Variants in LDLRAD4 observed in about 807,000 individuals in gnomAD.
The protein encoded by LDLRAD4 is low density lipoprotein receptor class A domain containing 4, also known as low-density lipoprotein receptor class A domain-containing protein 4.
LDLRAD4 carries 5 observed loss-of-function variants against 17.0 expected under a neutral mutation model. The observed-to-expected ratio is 0.29, with a 90% CI of 0.15 to 0.62. The LOEUF (loss-of-function observed/expected upper bound fraction) is 0.62, where lower values mean the gene tolerates loss of function less well. Ranked by LOEUF, LDLRAD4 falls within the 20% of genes least tolerant of loss-of-function variation. The pLI is 0.84. For synonymous variants in LDLRAD4, 168 were observed against 171.8 expected, an observed-to-expected ratio of 0.98 and a Z score of 0.17; for missense variants, 340 against 424.7, an observed-to-expected ratio of 0.80 and a Z score of 1.75.
chr18:13,629,857 G>A (rs1176088606), intron 4 of LDLRAD4, among the ~76,000 whole-genome samples: 1 of 150,674 alleles, frequency 6.6e-6, no homozygotes, highest in Non-Finnish European at 1.5e-5. Flanking sequence ...GGCTCACCAG[G>A]CTGGGGTCTG....
chr18:13,571,879 A>G (rs576899265), intron 3 of LDLRAD4, among the ~76,000 whole-genome samples: 319 of 151,680 alleles, frequency 2.1e-3, no homozygotes, highest in Non-Finnish European at 3.7e-3. Context: ...CTCGTGATCC[A>G]CCCGCCTCAG....
At chr18:13,404,097 G>T (rs1197740267) in intron 2 of LDLRAD4, among the ~76,000 whole-genome samples, 1 of 152,210 alleles carries the variant, frequency 6.6e-6, no homozygotes, top group Admixed American at 6.5e-5. Context: ...CTCCCTCCAG[G>T]CATATTTAAT....
chr18:13,345,569 T>G (rs530393886), intron 1 of LDLRAD4, among the ~76,000 whole-genome samples: 19 of 152,330 alleles, frequency 1.2e-4, no homozygotes, highest in African/African-American at 4.3e-4. Flanking sequence ...TGTGCCAGGC[T>G]TTGGTATCAG....
intron 3 of LDLRAD4, among the ~76,000 whole-genome samples, chr18:13,531,775 T>A (rs1311409660): frequency 6.6e-6 from 1 of 152,030 alleles, no homozygotes; most frequent in Non-Finnish European, 1.5e-5. Context: ...GCGCTGCATC[T>A]TTCTCCTTAG....
At chr18:13,620,101 G>C (rs1340167601) in intron 3 of LDLRAD4, among the ~76,000 whole-genome samples, 2 of 152,088 alleles carry the variant, frequency 1.3e-5, no homozygotes, top group African/African-American at 4.8e-5. Flanking sequence ...GCACACAGTC[G>C]TAGCCACTGG....
At chr18:13,387,437 G>A (rs1158765704) in exon 2 of LDLRAD4, 6 of 354,304 alleles carry the variant, frequency 1.7e-5, no homozygotes, top group East Asian at 6.2e-5. Context: ...GGCCAGGGGC[G>A]CCCGTGTTCT....
intron 2 of LDLRAD4, among the ~76,000 whole-genome samples, chr18:13,402,723 G>A (rs1400682867): frequency 6.6e-6 from 1 of 152,196 alleles, no homozygotes; most frequent in Non-Finnish European, 1.5e-5. Flanking sequence ...ATGATTTGGG[G>A]ACTCTTCCAT....
At chr18:13,405,069 C>T (rs895302199) in intron 2 of LDLRAD4, among the ~76,000 whole-genome samples, 4 of 151,234 alleles carry the variant, frequency 2.6e-5, no homozygotes, top group South Asian at 2.1e-4. Context: ...GGAAGCTGCA[C>T]GTTTGCTATT....
At chr18:13,288,319 A>C (rs2045748724) in intron 1 of LDLRAD4, among the ~76,000 whole-genome samples, 2 of 152,222 alleles carry the variant, frequency 1.3e-5, no homozygotes, top group African/African-American at 4.8e-5. Context: ...AATTACACTG[A>C]TAAAGGTCTC....
chr18:13,602,664 T>G (rs1329996586), intron 3 of LDLRAD4, among the ~76,000 whole-genome samples: 1 of 151,988 alleles, frequency 6.6e-6, no homozygotes, highest in African/African-American at 2.4e-5. Context: ...GCCAGGCTGG[T>G]CTCGAACTTC....
intron 1 of LDLRAD4, chr18:13,280,109 C>G (rs1386095573): frequency 6.6e-6 from 1 of 152,224 alleles, no homozygotes; most frequent in Non-Finnish European, 1.5e-5. Flanking sequence ...TTTATTTGGA[C>G]TTGGTTTTAA....
intron 4 of LDLRAD4, among the ~76,000 whole-genome samples, chr18:13,628,700 G>A (rs2041389518): frequency 6.6e-6 from 1 of 152,186 alleles, no homozygotes; most frequent in South Asian, 2.1e-4. Flanking sequence ...CCAGCTGCAC[G>A]CAGATTCCCA....
At chr18:13,298,133 G>T (rs1375461997) in intron 1 of LDLRAD4, among the ~76,000 whole-genome samples, 2 of 152,228 alleles carry the variant, frequency 1.3e-5, no homozygotes, top group African/African-American at 4.8e-5. Flanking sequence ...GCAGGGCTCT[G>T]GTTCCAGGGT....
intron 1 of LDLRAD4, among the ~76,000 whole-genome samples, chr18:13,344,461 T>C (rs1272822132): frequency 6.6e-6 from 1 of 152,238 alleles, no homozygotes; most frequent in Non-Finnish European, 1.5e-5. Context: ...TTGGTACCAG[T>C]ACCATGCTGT....
intron 2 of LDLRAD4, among the ~76,000 whole-genome samples, chr18:13,433,246 T>C (rs1158422874): frequency 2.0e-5 from 3 of 152,186 alleles, no homozygotes; most frequent in Non-Finnish European, 4.4e-5. Context: ...AAGGCACCCG[T>C]ACAGAGAGCA....
At chr18:13,540,659 A>G (rs2094267037) in intron 3 of LDLRAD4, among the ~76,000 whole-genome samples, 1 of 152,216 alleles carries the variant, frequency 6.6e-6, no homozygotes, top group Admixed American at 6.5e-5. Flanking sequence ...AATCTGTCCA[A>G]GGCAATTCAC....
At chr18:13,534,029 T>C (rs2094167223) in intron 3 of LDLRAD4, among the ~76,000 whole-genome samples, 1 of 152,214 alleles carries the variant, frequency 6.6e-6, no homozygotes, top group Non-Finnish European at 1.5e-5. Flanking sequence ...CTTCTGGCAC[T>C]CCACGCTGCC....
In LDLRAD4 at chr18:13,609,180, A is replaced by G. The variant is rs189141896; in HGVS notation, c.182-11937A>G. Among the ~76,000 whole-genome samples the G allele has an allele frequency of 7.2e-5, 11 of 152,322 alleles. No individual in the cohort carries two copies. The East Asian group carries it at 1.7e-3, about 24-fold the overall frequency. ...CTTCCCTCTCCCATGCCCTTCTGCT[A>G]TGTGTGCTGCCATTTTCTCTGAATG... On this transcript the variant is annotated intron_variant, in intron 3 of 5. Coordinates refer to ENST00000359446, the Ensembl canonical transcript of LDLRAD4.
At chr18:13,475,288 G>A (rs895963037) in intron 3 of LDLRAD4, among the ~76,000 whole-genome samples, 1 of 152,140 alleles carries the variant, frequency 6.6e-6, no homozygotes, top group African/African-American at 2.4e-5. Context: ...TCACTCTGTG[G>A]CCCGGAGACA....
Sources: gnomAD v4.1 joint callset for allele counts (sites outside exome capture counted in the v4.1 genomes callset) on GRCh38, gnomAD v4.1.1 for gene constraint, MANE v1.5 for transcripts, NCBI Gene and HGNC (gene_info 2026-07-23, HGNC 2026-07-21) for gene names.